The following PCDH19 variants were observed in gnomAD, a reference collection of about 807,000 sequenced individuals.
PCDH19 encodes the protein protocadherin-19.
A neutral mutation model predicts 46.2 loss-of-function variants in PCDH19; 6 were observed. The ratio of observed to expected loss-of-function variants is 0.13; its 90% confidence interval spans 0.07 to 0.26. The LOEUF (loss-of-function observed/expected upper bound fraction) is 0.26. PCDH19 is among the 10% of genes least tolerant of loss of function. PCDH19 has a pLI of 1.00. For synonymous variants in PCDH19, 481 were observed against 415.7 expected, an observed-to-expected ratio of 1.16 and a Z score of -1.91; for missense variants, 740 against 972.3, an observed-to-expected ratio of 0.76 and a Z score of 3.18.
rs145699787 is a variant in PCDH19, at chrX:100,402,079, A to T, written c.2616+445T>A. ...AGAACAGTGATGTGACGAAAGAAAAAGCAAATGGGGTCTTTAGGAGGCTGA... is the reference window on the plus strand; with the variant it reads ...AGAACAGTGATGTGACGAAAGAAAATGCAAATGGGGTCTTTAGGAGGCTGA... On this transcript the variant is annotated intron_variant, in intron 3 of 5. Coordinates refer to ENST00000373034, the MANE Select transcript of PCDH19 (RefSeq NM_001184880.2). Among the ~76,000 whole-genome samples the T allele has an allele frequency of 1.7e-3, 192 of 112,179 alleles. 1 individual carries two copies. The highest frequency in any genetic ancestry group is 5.8e-3 in the African/African-American group (178 of 30,861).
chrX:100,372,016 C>T (rs1444837703), intron 3 of PCDH19, among the ~76,000 whole-genome samples: 1 of 111,808 alleles, frequency 8.9e-6, no homozygotes. Flanking sequence ...GCGGATGGAT[C>T]ACTTGAGGTC....
chrX:100,297,994 T>C (rs962933525), intron 5 of PCDH19, among the ~76,000 whole-genome samples: 10 of 110,255 alleles, frequency 9.1e-5, no homozygotes, highest in Non-Finnish European at 1.9e-4. Flanking sequence ...AATACATATA[T>C]ATATCTTATA....
At chrX:100,364,826 G>A (rs1053409477) in intron 3 of PCDH19, among the ~76,000 whole-genome samples, 9 of 112,144 alleles carry the variant, frequency 8.0e-5, no homozygotes, top group Non-Finnish European at 1.7e-4. Context: ...AGTTTGCAAA[G>A]CTCTTTTAAG....
chrX:100,353,864 T>C (rs998449990), intron 3 of PCDH19, among the ~76,000 whole-genome samples: 9 of 111,858 alleles, frequency 8.0e-5, no homozygotes, highest in Admixed American at 5.7e-4. Flanking sequence ...TCATGCTGCA[T>C]CCTAATGCAA....
intron 5 of PCDH19, among the ~76,000 whole-genome samples, chrX:100,298,153 GT>G (rs1056642272): frequency 9.0e-6 from 1 of 110,645 alleles, no homozygotes; most frequent in African/African-American, 3.3e-5. Context: ...GGTGTTTTTT[GT>G]TTGCTTCTTC....
intron 5 of PCDH19, among the ~76,000 whole-genome samples, chrX:100,330,023 C>G (rs1214307193): frequency 8.9e-6 from 1 of 112,634 alleles, no homozygotes; most frequent in Non-Finnish European, 1.9e-5. Flanking sequence ...TCAGCATCAA[C>G]ATTTGACTTG....
In PCDH19 at chrX:100,354,784, G is replaced by A. The variant is rs761919613; in HGVS notation, c.2617-4080C>T. ...ATACCTTCTCTAAGTATGCTAAATG[G>A]CAAACAACATGAAACATTTGAGAGA... is the stretch of plus-strand genomic sequence containing the variant. On this transcript the variant is annotated intron_variant, in intron 3 of 5. Coordinates refer to ENST00000373034, the MANE Select transcript of PCDH19 (RefSeq NM_001184880.2). Among the ~76,000 whole-genome samples the A allele has an allele frequency of 1.0e-4, 11 of 110,424 alleles. 1 individual carries two copies. The highest frequency in any genetic ancestry group is 2.9e-4 in the Admixed American group (3 of 10,323).
intron 4 of PCDH19, among the ~76,000 whole-genome samples, chrX:100,343,862 G>C (rs1317537530): frequency 8.9e-6 from 1 of 111,886 alleles, no homozygotes; most frequent in African/African-American, 3.3e-5. Context: ...CACTTGATCT[G>C]CTCAACCTTG....
chrX:100,350,546 A>G (rs2147492513), intron 4 of PCDH19, 100 bp downstream of exon 4: 2 of 594,618 alleles, frequency 3.4e-6, no homozygotes, highest in East Asian at 7.1e-5. Context: ...CATTCATTTT[A>G]AAATCCCCCA....
rs1262897631 is a variant in PCDH19, at chrX:100,333,157, GGAAGGAAGGAAGGA to G, written c.2848+8732_2848+8745del. On this transcript the variant is annotated intron_variant, in intron 5 of 5. Coordinates refer to ENST00000373034, the MANE Select transcript of PCDH19 (RefSeq NM_001184880.2). Reference sequence around the variant, plus strand: ...AGGAAGGAAGGAAGGAAGGAAGGAAGGAAGGAAGGAAGGAAGGGAGAGAGAGAGAAAGAAAGAAA... The same window carrying G: ...AGGAAGGAAGGAAGGAAGGAAGGAAGAGGGAGAGAGAGAGAAAGAAAGAAA... 8.8e-3 allele frequency among the ~76,000 whole-genome samples: 489 copies of G among 55,399 alleles called. 8 individuals carry two copies. The highest frequency in any genetic ancestry group is 0.013 in the Non-Finnish European group (344 of 26,950). 48.1% of individuals were successfully genotyped at this position (55,399 alleles called of 115,157 possible).
At chrX:100,379,951 G>A (rs1927505141) in intron 3 of PCDH19, among the ~76,000 whole-genome samples, 1 of 111,866 alleles carries the variant, frequency 8.9e-6, no homozygotes. Flanking sequence ...AGTAACTGGA[G>A]GAATGGATTT....
chrX:100,334,958 C>G (rs1460720050), intron 5 of PCDH19, among the ~76,000 whole-genome samples: 1 of 110,164 alleles, frequency 9.1e-6, no homozygotes, highest in Non-Finnish European at 1.9e-5. Flanking sequence ...TAAAATTAGA[C>G]AAACGGTTGA....
chrX:100,341,389 G>C (rs906548974), intron 5 of PCDH19, among the ~76,000 whole-genome samples: 3 of 111,631 alleles, frequency 2.7e-5, no homozygotes, highest in African/African-American at 9.8e-5. Flanking sequence ...CAGCCCCATA[G>C]ACAAAATGGG....
intron 5 of PCDH19, among the ~76,000 whole-genome samples, chrX:100,304,849 G>T (rs1924889559): frequency 8.9e-6 from 1 of 111,936 alleles, no homozygotes; most frequent in African/African-American, 3.2e-5. Flanking sequence ...AAGGATTTTT[G>T]AATTAACCCA....
intron 5 of PCDH19, among the ~76,000 whole-genome samples, chrX:100,320,350 T>C (rs1925436889): frequency 8.9e-6 from 1 of 112,328 alleles, no homozygotes; most frequent in Non-Finnish European, 1.9e-5. Flanking sequence ...AGCAAGTTGC[T>C]TGAGATCACA....
chrX:100,296,479 G>A lies in PCDH19; in HGVS notation c.3245C>T (p.Ser1082Phe). 1 of 1,211,467 alleles carries A rather than the reference G, an allele frequency of 8.3e-7. No individual in the cohort carries two copies. Among genetic ancestry groups the A allele is most frequent in the Non-Finnish European group, 1.1e-6 (1 of 895,407 alleles). Residue 1082 changes from serine (S) to phenylalanine (F), a missense_variant, in exon 6 of 6, where the codon TCT becomes TTT. By Grantham distance (155) the Ser-to-Phe change is radical. Around this residue, in one of 5 missense-constraint regions of PCDH19, gnomAD observed 416 missense variants for 476.8 expected, o/e 0.87. Transcript: ENST00000373034. ...TGGGGGAGCCAGGGCAATGGTGTAA[G>A]ACACGGAAGGCTTGGTGGGCAGAGA... ...KSSLPTKPSV[S>F]YTIALAPPAR...
intron 5 of PCDH19, among the ~76,000 whole-genome samples, chrX:100,331,092 C>G (rs1925857914): frequency 8.9e-6 from 1 of 111,933 alleles, no homozygotes; most frequent in African/African-American, 3.3e-5. Flanking sequence ...CCATCCTACA[C>G]ATACTTCCAA....
At chrX:100,380,831 CTA>C (rs1486326020) in intron 3 of PCDH19, among the ~76,000 whole-genome samples, 2 of 112,304 alleles carry the variant, frequency 1.8e-5, no homozygotes, top group African/African-American at 6.5e-5. Flanking sequence ...AGTGCTTACG[CTA>C]TGTTTATTTA....
At chrX:100,334,847 CATATAT>C (rs1203772249) in intron 5 of PCDH19, among the ~76,000 whole-genome samples, 1 of 45,407 alleles carries the variant, frequency 2.2e-5, no homozygotes, top group Non-Finnish European at 4.5e-5. Context: ...TACACATATA[CATATAT>C]ATGTCTGTAT....
Sources: allele counts gnomAD v4.1 joint callset (sites outside exome capture counted in the v4.1 genomes callset), GRCh38; gene constraint gnomAD v4.1.1; regional missense constraint gnomAD v4.1.1; transcripts MANE v1.5; gene names NCBI Gene and HGNC (gene_info 2026-07-23, HGNC 2026-07-21).